The following TIAM1 variants were observed in gnomAD, a reference collection of about 807,000 sequenced individuals.
The protein encoded by TIAM1 is TIAM Rac1 associated GEF 1.
TIAM1 carries 65 observed loss-of-function variants against 163.5 expected under a neutral mutation model. The ratio of observed to expected loss-of-function variants is 0.40; its 90% CI spans 0.33 to 0.49. The LOEUF is 0.49. Ranked by LOEUF, TIAM1 falls within the 20% of genes least tolerant of loss-of-function variation. The pLI is 0.77. For synonymous variants in TIAM1, 833 were observed against 810.1 expected, an observed-to-expected ratio of 1.03 and a Z score of -0.48; for missense variants, 1,789 against 2,044.7, an observed-to-expected ratio of 0.87 and a Z score of 2.41.
intron 6 of TIAM1, among the ~76,000 whole-genome samples, chr21:31,233,115 C>T (rs777403391): frequency 2.0e-5 from 3 of 151,986 alleles, no homozygotes; most frequent in African/African-American, 7.3e-5. Context: ...CAATGGTTTA[C>T]GTAAGTGGCA....
chr21:31,275,798 C>T (rs2073272592), intron 3 of TIAM1, among the ~76,000 whole-genome samples: 1 of 152,152 alleles, frequency 6.6e-6, no homozygotes, highest in Admixed American at 6.5e-5. Flanking sequence ...CAATTCATAT[C>T]ATATTCAAGT....
At chr21:31,374,198 C>A (rs1474751320) in intron 2 of TIAM1, among the ~76,000 whole-genome samples, 1 of 152,176 alleles carries the variant, frequency 6.6e-6, no homozygotes, top group Non-Finnish European at 1.5e-5. Flanking sequence ...AGTATGGAAC[C>A]CATTCCTCCC....
Position 31,409,954 on chromosome 21 carries a change from T to C in TIAM1, c.-369+54029A>G, listed in dbSNP as rs184263101. 2.3e-3 allele frequency among the ~76,000 whole-genome samples: 343 copies of C among 151,954 alleles called. 1 individual carries two copies. The highest frequency in any genetic ancestry group is 0.01 in the Middle Eastern group (3 of 294). The stretch of plus-strand genomic sequence containing the variant: ...TTATAAAGGCTGGCTGTTGATTCCT[T>C]TGAGAGAAAAAAGGAGATCCAAGTT... On this transcript the variant is annotated intron_variant, in intron 2 of 28. Transcript: ENST00000286827.
chr21:31,443,084 G>A (rs80038790), intron 2 of TIAM1, among the ~76,000 whole-genome samples: 2,350 of 152,294 alleles, frequency 0.015, 60 homozygotes, highest in African/African-American at 0.053. Flanking sequence ...ATCTGCCTGA[G>A]AAGTAGAAAC....
chr21:31,275,360 A>AT (rs370514210), intron 3 of TIAM1, among the ~76,000 whole-genome samples: 6 of 151,464 alleles, frequency 4.0e-5, no homozygotes, highest in South Asian at 4.2e-4. Context: ...AAGTCACCGA[A>AT]TTTTTTTTTA....
intron 1 of TIAM1, among the ~76,000 whole-genome samples, chr21:31,488,853 C>T (rs891368687): frequency 4.6e-5 from 7 of 151,810 alleles, no homozygotes; most frequent in Admixed American, 2.0e-4. Context: ...AAGGGAAAAA[C>T]ATAGATATAT....
At chr21:31,364,622 C>T (rs2076468475) in intron 2 of TIAM1, among the ~76,000 whole-genome samples, 1 of 152,136 alleles carries the variant, frequency 6.6e-6, no homozygotes, top group African/African-American at 2.4e-5. Context: ...TCTCTATTAA[C>T]AAATCTTGGA....
intron 1 of TIAM1, among the ~76,000 whole-genome samples, chr21:31,558,192 C>A (rs2048956195): frequency 6.6e-6 from 1 of 152,134 alleles, no homozygotes; most frequent in African/African-American, 2.4e-5. Flanking sequence ...GCAGCAGCAT[C>A]GCAGCGGCAG....
Position 31,266,632 on chromosome 21 carries a change from CT to C in TIAM1, c.340del (p.Ser114AlafsTer75). On this transcript the variant is annotated frameshift_variant, in exon 4 of 28. Coordinates refer to ENST00000541036, the MANE Select transcript of TIAM1 (RefSeq NM_001353694.2). LOFTEE classifies it high-confidence loss of function. ...AGAGGCTGCTGTGAGGACGATGCTG[CT>C]GTCTACGCTGGGAGTGACAGAAGAG... Reference protein sequence around the residue: ...TDSSVTPSVDSSIVLTAASVQ... With the variant: ...TDSSVTPSVDXSIVLTAASVQ... 6.2e-7 allele frequency: 1 copy of C among 1,614,218 alleles called. No individual in the cohort carries two copies. Among genetic ancestry groups the C allele is most frequent in the Non-Finnish European group, 8.5e-7 (1 of 1,180,042 alleles).
intron 1 of TIAM1, among the ~76,000 whole-genome samples, chr21:31,523,103 A>G (rs556339655): frequency 6.6e-6 from 1 of 152,350 alleles, no homozygotes; most frequent in Admixed American, 6.5e-5. Flanking sequence ...TCTCTTTGCA[A>G]CTTATCACAC....
At chr21:31,335,247 C>A (rs1052920089) in intron 2 of TIAM1, among the ~76,000 whole-genome samples, 3 of 152,166 alleles carry the variant, frequency 2.0e-5, no homozygotes, top group Admixed American at 2.0e-4. Context: ...GGACCAACAT[C>A]TAAAAATAAA....
At chr21:31,437,943 C>A (rs1218603189) in intron 2 of TIAM1, among the ~76,000 whole-genome samples, 5 of 152,098 alleles carry the variant, frequency 3.3e-5, no homozygotes, top group African/African-American at 1.2e-4. Context: ...TTAACCATTT[C>A]TTTCTTTTTG....
At chr21:31,271,104 A>G (rs1249509994) in intron 3 of TIAM1, among the ~76,000 whole-genome samples, 1 of 152,048 alleles carries the variant, frequency 6.6e-6, no homozygotes, top group Non-Finnish European at 1.5e-5. Flanking sequence ...GGTCTTTCTT[A>G]TTCTCTATCC....
At chr21:31,357,218 G>A (rs979277334) in intron 2 of TIAM1, among the ~76,000 whole-genome samples, 5 of 152,120 alleles carry the variant, frequency 3.3e-5, no homozygotes, top group African/African-American at 1.2e-4. Flanking sequence ...AATGTCAAGT[G>A]TCCCCTTAAA....
At chr21:31,321,483 G>A (rs1307858484) in intron 2 of TIAM1, among the ~76,000 whole-genome samples, 1 of 152,068 alleles carries the variant, frequency 6.6e-6, no homozygotes, top group East Asian at 2.0e-4. Context: ...CTCCAGGGTA[G>A]CTGGGATTAT....
chr21:31,531,257 A>G (rs549453634), intron 1 of TIAM1, among the ~76,000 whole-genome samples: 13 of 152,146 alleles, frequency 8.5e-5, no homozygotes, highest in Non-Finnish European at 1.9e-4. Flanking sequence ...CCTCTGTCCA[A>G]TCGGCTCCCC....
chr21:31,279,490 C>T (rs1192710416), intron 2 of TIAM1, among the ~76,000 whole-genome samples: 2 of 152,246 alleles, frequency 1.3e-5, no homozygotes, highest in Admixed American at 1.3e-4. Flanking sequence ...CAGCTACGTA[C>T]CAAGCTCAGT....
chr21:31,391,247 G>C (rs2076960163), intron 2 of TIAM1, among the ~76,000 whole-genome samples: 1 of 152,126 alleles, frequency 6.6e-6, no homozygotes, highest in Non-Finnish European at 1.5e-5. Context: ...CATGGCTGGG[G>C]CTGGCTTTTC....
At chr21:31,263,422 T>C (rs1250629676) in intron 4 of TIAM1, among the ~76,000 whole-genome samples, 1 of 152,212 alleles carries the variant, frequency 6.6e-6, no homozygotes, top group African/African-American at 2.4e-5. Flanking sequence ...GCAGTGATTT[T>C]ATGAGACACC....
Sources: gnomAD v4.1 joint callset for allele counts (sites outside exome capture counted in the v4.1 genomes callset) on GRCh38, gnomAD v4.1.1 for gene constraint, MANE v1.5 for transcripts, NCBI Gene and HGNC (gene_info 2026-07-23, HGNC 2026-07-21) for gene names.